PALLD: variants seen among roughly 807,000 people sequenced by gnomAD.
The protein encoded by PALLD is palladin, cytoskeletal associated protein.
PALLD carries 61 observed loss-of-function variants against 123.5 expected under a neutral mutation model. That is an observed-to-expected ratio of 0.49 (90% CI 0.40 to 0.61). The LOEUF (loss-of-function observed/expected upper bound fraction) is 0.61. Among genes scored for constraint, PALLD ranks in the 20% least tolerant of loss-of-function variants. PALLD has a pLI of 0.00. For missense variants in PALLD, 1,273 were observed against 1,377.0 expected (o/e 0.92, Z 1.20); for synonymous variants, 465 against 496.4 (o/e 0.94, Z 0.84).
At chr4:168,740,209 C>T (rs902642160) in intron 10 of PALLD, among the ~76,000 whole-genome samples, 2 of 152,126 alleles carry the variant, frequency 1.3e-5, no homozygotes, top group Non-Finnish European at 2.9e-5. Context: ...TTAAAAGATG[C>T]TTTAAAGGAT....
At chr4:168,680,440 C>T (rs919778776) in intron 3 of PALLD, among the ~76,000 whole-genome samples, 47 of 141,704 alleles carry the variant, frequency 3.3e-4, no homozygotes, top group African/African-American at 1.0e-3. Flanking sequence ...CAAGATTGCG[C>T]CACTGCACTC....
intron 2 of PALLD, among the ~76,000 whole-genome samples, chr4:168,650,394 G>A (rs537681427): frequency 3.3e-5 from 5 of 152,262 alleles, no homozygotes; most frequent in East Asian, 1.9e-4. Flanking sequence ...GTTAGTCTAC[G>A]ATGTGTTGTT....
intron 10 of PALLD, among the ~76,000 whole-genome samples, chr4:168,889,647 C>T (rs1477453137): frequency 1.3e-5 from 2 of 152,264 alleles, no homozygotes; most frequent in East Asian, 3.9e-4. Flanking sequence ...GTAACTGCTA[C>T]CCTGAATTTC....
chr4:168,889,167 GTT>G (rs35959674), intron 10 of PALLD, among the ~76,000 whole-genome samples: 4 of 41,474 alleles, frequency 9.6e-5, no homozygotes, highest in African/African-American at 1.5e-4. Context: ...TGTGTGTGTG[GTT>G]TTTTTTTTTT....
chr4:168,592,747 A>T (rs1771563467), intron 2 of PALLD, among the ~76,000 whole-genome samples: 1 of 151,828 alleles, frequency 6.6e-6, no homozygotes, highest in South Asian at 2.1e-4. Context: ...AAAAAAGCTC[A>T]TCTTCATCTA....
At chr4:168,791,514 A>G (rs1300363047) in intron 10 of PALLD, among the ~76,000 whole-genome samples, 1 of 152,196 alleles carries the variant, frequency 6.6e-6, no homozygotes, top group Non-Finnish European at 1.5e-5. Context: ...AGGAGGAACT[A>G]CCACACACTT....
chr4:168,888,209 A>G (rs1440539289), intron 10 of PALLD, among the ~76,000 whole-genome samples: 1 of 152,250 alleles, frequency 6.6e-6, no homozygotes, highest in Non-Finnish European at 1.5e-5. Context: ...GTCTCCTTAA[A>G]TATCAAAATG....
rs200504159 is a variant in PALLD at position 168,794,471 on chromosome 4, TGCACAC to T, written c.1964+82555_1964+82560del. The stretch of plus-strand genomic sequence containing the variant: ...CATACGCGCAGCGCACAGACGTACG[TGCACAC>T]GCACACACACATGCACGCACACACA... On this transcript the variant is annotated intron_variant, in intron 10 of 21. Coordinates refer to ENST00000505667, the MANE Select transcript of PALLD (RefSeq NM_001166108.2). Among the ~76,000 whole-genome samples, 1,250 of 147,422 alleles carry T rather than the reference TGCACAC, an allele frequency of 8.5e-3. 60 individuals carry two copies. The East Asian group carries it at 0.16, about 19-fold the overall frequency.
chr4:168,627,101 C>T (rs1219833677), intron 2 of PALLD, among the ~76,000 whole-genome samples: 4 of 152,138 alleles, frequency 2.6e-5, no homozygotes, highest in African/African-American at 4.8e-5. Flanking sequence ...TGTTTTTTAA[C>T]AACAACTAAC....
intron 2 of PALLD, among the ~76,000 whole-genome samples, chr4:168,556,891 G>C (rs1767367589): frequency 6.6e-6 from 1 of 152,122 alleles, no homozygotes; most frequent in Non-Finnish European, 1.5e-5. Context: ...GGCTACTTCT[G>C]CCTGTGGTTT....
chr4:168,617,319 A>G (rs1774324935), intron 2 of PALLD, among the ~76,000 whole-genome samples: 1 of 152,278 alleles, frequency 6.6e-6, no homozygotes, highest in African/African-American at 2.4e-5. Flanking sequence ...CCTAAACTAA[A>G]TGATATAGAC....
chr4:168,825,836 G>C (rs1184451150), intron 10 of PALLD, among the ~76,000 whole-genome samples: 2 of 152,134 alleles, frequency 1.3e-5, no homozygotes, highest in Non-Finnish European at 2.9e-5. Flanking sequence ...CCTTGTTATG[G>C]TGTCACCAGA....
In PALLD at chr4:168,927,294, A is replaced by AAAGG; in HGVS notation, c.*1115_*1118dup. On this transcript the variant is annotated 3_prime_UTR_variant, in exon 22 of 22. Coordinates refer to ENST00000505667, the MANE Select transcript of PALLD (RefSeq NM_001166108.2). Reference sequence around the variant, plus strand: ...AAGTAGAAGGCACAGGAGAGGTAGCAAAGGCCAGGCTTTTCTTTGGTTTTC... The same window carrying AAAGG: ...AAGTAGAAGGCACAGGAGAGGTAGCAAAGGAAGGCCAGGCTTTTCTTTGGTTTTC... 1 of 231,688 alleles carries AAAGG rather than the reference A, an allele frequency of 4.3e-6. No individual in the cohort carries two copies. The highest frequency in any genetic ancestry group is 8.6e-6 in the Non-Finnish European group (1 of 116,760). The allele number at this position is 231,688 out of a possible 1,614,324, so 14.4% of individuals were successfully genotyped here.
intron 2 of PALLD, among the ~76,000 whole-genome samples, chr4:168,534,962 G>GA (rs1308534836): frequency 7.9e-5 from 12 of 151,282 alleles, no homozygotes; most frequent in Non-Finnish European, 1.2e-4. Flanking sequence ...GAAAATATTT[G>GA]AAAAAAAATG....
intron 10 of PALLD, among the ~76,000 whole-genome samples, chr4:168,799,452 TACTGTTCCTACTC>T (rs1384328970): frequency 1.6e-4 from 24 of 152,210 alleles, no homozygotes; most frequent in Admixed American, 1.6e-3. Context: ...CTTTAAGTCG[TACTGTTCCTACTC>T]ACCTTGAACT....
At chr4:168,791,411 C>G (rs1737503458) in intron 10 of PALLD, among the ~76,000 whole-genome samples, 1 of 152,108 alleles carries the variant, frequency 6.6e-6, no homozygotes, top group African/African-American at 2.4e-5. Flanking sequence ...TACTGCATGG[C>G]TGGGGAGGCC....
At chr4:168,899,904 T>C (rs1439641169) in intron 14 of PALLD, among the ~76,000 whole-genome samples, 1 of 147,734 alleles carries the variant, frequency 6.8e-6, no homozygotes, top group Admixed American at 6.8e-5. Context: ...GCAACAACAG[T>C]GAGACTCCGT....
intron 10 of PALLD, among the ~76,000 whole-genome samples, chr4:168,836,099 C>A (rs1745144982): frequency 6.6e-6 from 1 of 152,178 alleles, no homozygotes; most frequent in African/African-American, 2.4e-5. Context: ...TAATTGGTAA[C>A]ATAAGCCATT....
intron 2 of PALLD, among the ~76,000 whole-genome samples, chr4:168,519,371 C>T (rs7689375): frequency 0.74 from 112,624 of 152,120 alleles, 41,916 homozygotes; most frequent in East Asian, 0.86. Flanking sequence ...GCAGCAATGT[C>T]TCTAATGAAT....
Sources: allele counts gnomAD v4.1 joint callset (sites outside exome capture counted in the v4.1 genomes callset), GRCh38; gene constraint gnomAD v4.1.1; transcripts MANE v1.5; gene names NCBI Gene and HGNC (gene_info 2026-07-23, HGNC 2026-07-21).